The following MARCHF1 variants were observed in gnomAD, a reference collection of about 807,000 sequenced individuals.
MARCHF1 encodes the protein membrane associated ring-CH-type finger 1, also known as E3 ubiquitin-protein ligase MARCHF1.
MARCHF1 carries 40 observed loss-of-function variants against 54.2 expected under a neutral mutation model. The observed-to-expected ratio is 0.74, with a 90% CI of 0.57 to 0.96. MARCHF1 has a LOEUF of 0.96. Ranked by LOEUF, MARCHF1 falls within the 40% of genes least tolerant of loss-of-function variation. The probability of loss-of-function intolerance (pLI) is 0.00; values close to 1 mark genes in which losing one functional copy is unlikely to be tolerated. For missense variants in MARCHF1, 586 were observed against 656.5 expected (o/e 0.89, Z 1.17); for synonymous variants, 236 against 236.3 (o/e 1.00, Z 0.01).
At chr4:163,709,232 C>T (rs1745036412) in intron 4 of MARCHF1, among the ~76,000 whole-genome samples, 1 of 152,038 alleles carries the variant, frequency 6.6e-6, no homozygotes, top group Non-Finnish European at 1.5e-5. Flanking sequence ...AGCAGGCAGG[C>T]CCATGGGAGT....
intron 3 of MARCHF1, among the ~76,000 whole-genome samples, chr4:163,978,641 T>A (rs1752696457): frequency 6.6e-6 from 1 of 152,156 alleles, no homozygotes; most frequent in Non-Finnish European, 1.5e-5. Context: ...TTAACCACCT[T>A]ACTCTGTTGC....
intron 1 of MARCHF1, among the ~76,000 whole-genome samples, chr4:164,322,233 A>G (rs1735160566): frequency 6.6e-6 from 1 of 152,156 alleles, no homozygotes; most frequent in Non-Finnish European, 1.5e-5. Context: ...CCAAAACTGT[A>G]GCCAAGGAGT....
chr4:163,533,590 G>A (rs1449419787), intron 9 of MARCHF1, among the ~76,000 whole-genome samples: 2 of 151,422 alleles, frequency 1.3e-5, no homozygotes, highest in African/African-American at 2.4e-5. Context: ...CCTTGTGTAT[G>A]TGCAGGGTGG....
At chr4:164,052,824 T>G (rs567369639) in intron 2 of MARCHF1, among the ~76,000 whole-genome samples, 4 of 152,236 alleles carry the variant, frequency 2.6e-5, no homozygotes, top group Admixed American at 2.0e-4. Flanking sequence ...ATACTAATCA[T>G]GGCTAAAAAG....
At chr4:163,762,810 T>C (rs1008774295) in intron 4 of MARCHF1, among the ~76,000 whole-genome samples, 4 of 152,106 alleles carry the variant, frequency 2.6e-5, no homozygotes, top group African/African-American at 7.2e-5. Flanking sequence ...ATTATGAATA[T>C]GATAATAGGA....
chr4:163,978,516 A>T (rs1204576009), intron 3 of MARCHF1, among the ~76,000 whole-genome samples: 2 of 152,108 alleles, frequency 1.3e-5, no homozygotes, highest in East Asian at 3.9e-4. Context: ...ACTTGTCATT[A>T]TTTTATATAT....
At chr4:163,934,376 T>C (rs960726872) in intron 3 of MARCHF1, among the ~76,000 whole-genome samples, 7 of 151,748 alleles carry the variant, frequency 4.6e-5, no homozygotes, top group Admixed American at 1.3e-4. Context: ...CTGGGCAACA[T>C]AGAAATGCTT....
chr4:164,127,636 T>A (rs1756213687), intron 1 of MARCHF1, among the ~76,000 whole-genome samples: 1 of 152,012 alleles, frequency 6.6e-6, no homozygotes, highest in Non-Finnish European at 1.5e-5. Flanking sequence ...TGAGAGGGAA[T>A]AACTCACTTA....
At chr4:163,893,328 AG>A (rs1440010835) in intron 3 of MARCHF1, among the ~76,000 whole-genome samples, 2 of 151,990 alleles carry the variant, frequency 1.3e-5, no homozygotes, top group African/African-American at 4.8e-5. Context: ...TAGTAGAGAC[AG>A]GGTTTCACCA....
chr4:164,241,624 C>T (rs986351960), intron 1 of MARCHF1, among the ~76,000 whole-genome samples: 5 of 152,114 alleles, frequency 3.3e-5, no homozygotes, highest in Non-Finnish European at 7.4e-5. Flanking sequence ...GGGGGAGGAG[C>T]CAAGATGGCC....
At chr4:164,181,218 A>T (rs143177225) in intron 1 of MARCHF1, among the ~76,000 whole-genome samples, 1 of 152,282 alleles carries the variant, frequency 6.6e-6, no homozygotes, top group East Asian at 1.9e-4. Context: ...CTGCCTAAAT[A>T]CATTGGCCTC....
chr4:164,035,003 CTAAACACATGTAATGT>C (rs1753962775), intron 2 of MARCHF1, among the ~76,000 whole-genome samples: 1 of 152,032 alleles, frequency 6.6e-6, no homozygotes, highest in East Asian at 1.9e-4. Context: ...ACATATACTG[CTAAACACATGTAATGT>C]ATCACATTAT....
intron 4 of MARCHF1, among the ~76,000 whole-genome samples, chr4:163,783,616 G>A (rs578146763): frequency 1.3e-5 from 2 of 152,306 alleles, no homozygotes; most frequent in South Asian, 2.1e-4. Flanking sequence ...GTTTTGAAAA[G>A]TTAAGAATCT....
intron 1 of MARCHF1, among the ~76,000 whole-genome samples, chr4:164,370,050 T>C (rs909149269): frequency 3.3e-5 from 5 of 152,170 alleles, no homozygotes; most frequent in African/African-American, 1.2e-4. Context: ...AATTATACCA[T>C]CATTGCAGCA....
chr4:164,116,330 G>A (rs540244844), intron 1 of MARCHF1, among the ~76,000 whole-genome samples: 1 of 152,124 alleles, frequency 6.6e-6, no homozygotes, highest in East Asian at 1.9e-4. Context: ...TAACATTTTA[G>A]GGCAGGAGTC....
chr4:164,172,849 C>T (rs370732679), intron 1 of MARCHF1, among the ~76,000 whole-genome samples: 13 of 152,108 alleles, frequency 8.5e-5, no homozygotes, highest in African/African-American at 2.9e-4. Flanking sequence ...CACGTGGTGG[C>T]GGGGGCCTGT....
chr4:164,045,135 A>T (rs955844203), intron 2 of MARCHF1, among the ~76,000 whole-genome samples: 4 of 152,230 alleles, frequency 2.6e-5, no homozygotes, highest in African/African-American at 9.6e-5. Context: ...ATCGCAAACA[A>T]AACAAAAAAT....
intron 3 of MARCHF1, among the ~76,000 whole-genome samples, chr4:163,983,317 G>C (rs1236872688): frequency 6.6e-6 from 1 of 152,044 alleles, no homozygotes; most frequent in Non-Finnish European, 1.5e-5. Context: ...AAGATTAAGA[G>C]GCCTTGATGA....
rs183133215 is a variant in MARCHF1, at chr4:163,751,248, G to A, written c.112-50385C>T. On this transcript the variant is annotated intron_variant, in intron 4 of 9. Transcript: ENST00000514618. ...ACAGGTGTGATCATAGCTCATTATA[G>A]CCTCAAACTCCTGGCCTCAAGCAAA... 5.3e-5 allele frequency among the ~76,000 whole-genome samples: 8 copies of A among 151,736 alleles called. No individual in the cohort carries two copies. The East Asian group carries it at 1.6e-3, about 30-fold the overall frequency.
Sources: gnomAD v4.1 joint callset for allele counts (sites outside exome capture counted in the v4.1 genomes callset) on GRCh38, gnomAD v4.1.1 for gene constraint, MANE v1.5 for transcripts, NCBI Gene and HGNC (gene_info 2026-07-23, HGNC 2026-07-21) for gene names.